Variants in RIN3 observed in about 807,000 individuals in gnomAD.
RIN3 encodes the protein Ras and Rab interactor 3.
Under a neutral mutation model 76.3 loss-of-function variants are expected in RIN3, and 54 were observed. That is an observed-to-expected ratio of 0.71 (90% confidence interval 0.57 to 0.89). The LOEUF (loss-of-function observed/expected upper bound fraction) is 0.89. Ranked by LOEUF, RIN3 falls within the 40% of genes least tolerant of loss-of-function variation. RIN3 has a pLI of 0.00. For synonymous variants in RIN3, 576 were observed against 564.0 expected (o/e 1.02, Z -0.30); for missense variants, 1,256 against 1,322.1 (o/e 0.95, Z 0.78).
At chr14:92,588,577 C>T (rs1211533836) in intron 3 of RIN3, among the ~76,000 whole-genome samples, 3 of 151,996 alleles carry the variant, frequency 2.0e-5, no homozygotes, top group African/African-American at 7.2e-5. Context: ...GGGTGGATCC[C>T]TCATGATTCC....
intron 8 of RIN3, among the ~76,000 whole-genome samples, chr14:92,679,052 T>C (rs1318092855): frequency 6.6e-6 from 1 of 152,186 alleles, no homozygotes; most frequent in Non-Finnish European, 1.5e-5. Flanking sequence ...CTAGGGGATT[T>C]GGGTGAGAAA....
In RIN3 at chr14:92,685,004, A is replaced by AGG; in HGVS notation, c.2485_2486insGG (p.Thr829ArgfsTer18). The AGG allele has an allele frequency of 6.2e-7, 1 of 1,613,322 alleles. No individual in the cohort carries two copies. Among genetic ancestry groups the AGG allele is most frequent in the Non-Finnish European group, 8.5e-7 (1 of 1,179,428 alleles). Reference sequence around the variant, plus strand: ...CCACGCAGGTTCCTACTATCTGACCACCACCTACGGGGCCCTGGAGCACAT... The same window carrying AGG: ...CCACGCAGGTTCCTACTATCTGACCAGGCCACCTACGGGGCCCTGGAGCACAT... On this transcript the variant is annotated frameshift_variant, in exon 9 of 10. Transcript: ENST00000216487. LOFTEE classifies it high-confidence loss of function. The surrounding 1 kb of genome is among the most constrained non-coding windows in gnomAD (Gnocchi z 4.7).
chr14:92,539,144 A>G (rs1286427529), intron 1 of RIN3, among the ~76,000 whole-genome samples: 2 of 150,544 alleles, frequency 1.3e-5, no homozygotes, highest in African/African-American at 4.9e-5. Flanking sequence ...TTCTCCAGTA[A>G]CTATCTCCAT....
chr14:92,577,787 A>G (rs1005227697), intron 3 of RIN3, among the ~76,000 whole-genome samples: 2 of 152,198 alleles, frequency 1.3e-5, no homozygotes, highest in Non-Finnish European at 2.9e-5. Context: ...AGGAGAAGAC[A>G]TGTCTGCACC....
chr14:92,611,648 A>G (rs906318304), intron 3 of RIN3, among the ~76,000 whole-genome samples: 2 of 152,148 alleles, frequency 1.3e-5, no homozygotes, highest in African/African-American at 4.8e-5. Flanking sequence ...CAAAGAATCT[A>G]TTTCCAAATA....
rs900468613 is a variant in RIN3, at chr14:92,568,923, C to T, written c.250-8437C>T. Among the ~76,000 whole-genome samples, 15 of 152,112 alleles carry T rather than the reference C, an allele frequency of 9.9e-5. No homozygotes were observed. Among genetic ancestry groups the T allele is most frequent in the African/African-American group, 3.6e-4 (15 of 41,410 alleles). On this transcript the variant is annotated intron_variant, in intron 2 of 9. Coordinates refer to ENST00000216487, the MANE Select transcript of RIN3 (RefSeq NM_024832.5). The surrounding 1 kb of genome is among the most constrained non-coding windows in gnomAD (Gnocchi z 4.2). Reference sequence around the variant, plus strand: ...ACACAGCCCAACAGCGAGAGGGGAGCGAGATGCTTCACCATGTGGTGGGGA... The same window carrying T: ...ACACAGCCCAACAGCGAGAGGGGAGTGAGATGCTTCACCATGTGGTGGGGA...
intron 4 of RIN3, among the ~76,000 whole-genome samples, chr14:92,624,482 A>G (rs978100489): frequency 6.6e-6 from 1 of 152,138 alleles, no homozygotes; most frequent in African/African-American, 2.4e-5. Context: ...GGGCTTTAGA[A>G]CCGCTAGCGG....
intron 1 of RIN3, among the ~76,000 whole-genome samples, chr14:92,522,411 G>A (rs1042114652): frequency 1.3e-5 from 2 of 152,126 alleles, no homozygotes; most frequent in Non-Finnish European, 2.9e-5. Flanking sequence ...CCAAAACAGG[G>A]AAATTTAAAG....
Position 92,521,337 on chromosome 14 carries a change from A to T in RIN3, c.44+7361A>T, listed in dbSNP as rs577145491. On this transcript the variant is annotated intron_variant, in intron 1 of 9. Coordinates refer to ENST00000216487, the MANE Select transcript of RIN3 (RefSeq NM_024832.5). ...TTTACTGAGCACCTGAACACCTAGG[A>T]GTTTCCAGTTTATCTACTAAGGAAA... Among the ~76,000 whole-genome samples the T allele has an allele frequency of 2.0e-5, 3 of 152,260 alleles. No individual in the cohort carries two copies. The South Asian group carries it at 6.2e-4, about 32-fold the overall frequency.
chr14:92,633,680 G>A (rs900070657), intron 4 of RIN3, among the ~76,000 whole-genome samples: 5 of 152,224 alleles, frequency 3.3e-5, no homozygotes, highest in African/African-American at 1.2e-4. Context: ...CCCAGTTGGT[G>A]TCTGGAGAAT....
At chr14:92,516,390 C>T (rs1298084532) in intron 1 of RIN3, among the ~76,000 whole-genome samples, 2 of 152,158 alleles carry the variant, frequency 1.3e-5, no homozygotes, top group Admixed American at 1.3e-4. Flanking sequence ...AGACAGGGGG[C>T]TCTTCTGGGT....
intron 3 of RIN3, among the ~76,000 whole-genome samples, chr14:92,603,040 C>T (rs1885399132): frequency 6.6e-6 from 1 of 152,242 alleles, no homozygotes; most frequent in South Asian, 2.1e-4. Context: ...CTCAGGCAAA[C>T]TCACTATGCC....
intron 2 of RIN3, among the ~76,000 whole-genome samples, chr14:92,571,077 G>C (rs1396810398): frequency 5.3e-5 from 8 of 152,208 alleles, no homozygotes; most frequent in Non-Finnish European, 1.2e-4. Flanking sequence ...GTCAAAGGTG[G>C]CCAACTGGTC....
intron 1 of RIN3, among the ~76,000 whole-genome samples, chr14:92,538,662 G>A (rs1033379238): frequency 1.3e-5 from 2 of 152,092 alleles, no homozygotes; most frequent in African/African-American, 4.8e-5. Flanking sequence ...TACACTGTGC[G>A]GTCTTAGCCA....
chr14:92,632,215 A>G (rs908788327), intron 4 of RIN3, among the ~76,000 whole-genome samples: 2 of 152,156 alleles, frequency 1.3e-5, no homozygotes, highest in Non-Finnish European at 2.9e-5. Flanking sequence ...GCCAGCACTT[A>G]AGGCAAACCC....
Position 92,651,841 on chromosome 14 carries a change from C to T in RIN3, c.792C>T (p.Pro264=). 1 of 1,611,898 alleles carries T rather than the reference C, an allele frequency of 6.2e-7. No homozygotes were observed. The highest frequency in any genetic ancestry group is 8.5e-7 in the Non-Finnish European group (1 of 1,178,588). Reference sequence around the variant, plus strand: ...ATTGCCCTGCACGCCCTTTGCCGCCCACCTCTGATGCCACCTCACCCACCT... The same window carrying T: ...ATTGCCCTGCACGCCCTTTGCCGCCTACCTCTGATGCCACCTCACCCACCT... The part of the protein sequence containing the change: ...LGNCPARPLP[P]TSDATSPTSR... The change falls in exon 6 of 10, where the codon CCC becomes CCT. Residue 264 remains proline (P), a synonymous_variant. Coordinates refer to ENST00000216487, the MANE Select transcript of RIN3 (RefSeq NM_024832.5).
chr14:92,657,950 C>T (rs757367810), intron 6 of RIN3, among the ~76,000 whole-genome samples: 1 of 152,156 alleles, frequency 6.6e-6, no homozygotes, highest in Non-Finnish European at 1.5e-5. Flanking sequence ...ACAGGTGTCT[C>T]CTTACAGGAA....
At position 92,685,200 on chromosome 14, in the gene RIN3, A is replaced by G. The variant is rs1888810543; in HGVS notation, c.2631+50A>G. 4 of 1,519,008 alleles carry G rather than the reference A, an allele frequency of 2.6e-6. No individual in the cohort carries two copies. The highest frequency in any genetic ancestry group is 3.6e-6 in the Non-Finnish European group (4 of 1,123,570). 94.1% of individuals were successfully genotyped at this position (1,519,008 alleles called of 1,614,324 possible). On this transcript the variant is annotated intron_variant, in intron 9 of 9. Transcript: ENST00000216487. The surrounding 1 kb of genome is among the most constrained non-coding windows in gnomAD (Gnocchi z 4.7). ...CCGGTGGGGCCATGTCCCAGACACC[A>G]TCCCTGCTGCCTGCTGGCTAAGGAG...
At chr14:92,621,235 C>CAAAAAAAAAAAAAAA (rs572318532) in intron 4 of RIN3, among the ~76,000 whole-genome samples, 16 of 70,692 alleles carry the variant, frequency 2.3e-4, no homozygotes, top group South Asian at 6.3e-4. Context: ...GACTCCGTCT[C>CAAAAAAAAAAAAAAA]AAAAAAAAAA....
Sources: allele counts gnomAD v4.1 joint callset (sites outside exome capture counted in the v4.1 genomes callset), GRCh38; gene constraint gnomAD v4.1.1; non-coding constraint Gnocchi (gnomAD v3.1); transcripts MANE v1.5; gene names NCBI Gene and HGNC (gene_info 2026-07-23, HGNC 2026-07-21).